KDM4C: variants seen among roughly 807,000 people sequenced by gnomAD.
KDM4C encodes the protein lysine-specific demethylase 4C.
Under a neutral mutation model 129.3 loss-of-function variants are expected in KDM4C, and 81 were observed. The observed-to-expected ratio is 0.63, with a 90% CI of 0.52 to 0.75. The LOEUF (loss-of-function observed/expected upper bound fraction) is 0.75. Among genes scored for constraint, KDM4C ranks in the 30% least tolerant of loss-of-function variants. The pLI, the probability that KDM4C is intolerant of heterozygous loss-of-function variation, is 0.00. For synonymous variants in KDM4C, 573 were observed against 456.1 expected (o/e 1.26, Z -3.26); for missense variants, 1,457 against 1,304.0 (o/e 1.12, Z -1.81).
intron 3 of KDM4C, among the ~76,000 whole-genome samples, chr9:6,809,623 T>G (rs1012227306): frequency 2.0e-5 from 3 of 152,230 alleles, no homozygotes; most frequent in African/African-American, 7.2e-5. Context: ...TAATTTCATT[T>G]TGTAGGCACT....
At chr9:6,933,957 C>G (rs1824231715) in intron 8 of KDM4C, among the ~76,000 whole-genome samples, 1 of 151,934 alleles carries the variant, frequency 6.6e-6, no homozygotes, top group Admixed American at 6.6e-5. Context: ...TCAAGTGATT[C>G]TCCTGCCATA....
chr9:7,164,476 T>G (rs965360337), intron 19 of KDM4C, among the ~76,000 whole-genome samples: 7 of 152,100 alleles, frequency 4.6e-5, no homozygotes, highest in Admixed American at 3.9e-4. Flanking sequence ...GGTGCCACCA[T>G]GATTACCTGC....
intron 15 of KDM4C, among the ~76,000 whole-genome samples, chr9:7,040,393 G>C (rs999795118): frequency 2.8e-5 from 4 of 145,056 alleles, no homozygotes; most frequent in Non-Finnish European, 4.5e-5. Context: ...GTGTGTGTGT[G>C]TGTGTGTGTG....
chr9:7,113,366 C>G (rs964246368), intron 18 of KDM4C, among the ~76,000 whole-genome samples: 1 of 152,196 alleles, frequency 6.6e-6, no homozygotes, highest in Non-Finnish European at 1.5e-5. Flanking sequence ...ACCTATCTTT[C>G]TCTTATTCAC....
At chr9:7,073,647 G>A (rs1196725253) in intron 17 of KDM4C, among the ~76,000 whole-genome samples, 2 of 152,232 alleles carry the variant, frequency 1.3e-5, no homozygotes, top group African/African-American at 4.8e-5. Flanking sequence ...TACTTTAAAT[G>A]TGTGCAGTGT....
chr9:7,014,915 A>AACACACACACACACAC (rs55864882), intron 14 of KDM4C, among the ~76,000 whole-genome samples: 14 of 146,168 alleles, frequency 9.6e-5, no homozygotes, highest in African/African-American at 3.0e-4. Context: ...GGCAATTTGT[A>AACACACACACACACAC]ACACACACAC....
At chr9:7,077,812 G>C (rs1212266241) in intron 17 of KDM4C, among the ~76,000 whole-genome samples, 1 of 152,172 alleles carries the variant, frequency 6.6e-6, no homozygotes, top group Non-Finnish European at 1.5e-5. Flanking sequence ...AGAGAAAGAT[G>C]TCTATCTAAT....
At chr9:6,808,690 T>TTA (rs1830587048) in intron 3 of KDM4C, among the ~76,000 whole-genome samples, 1 of 63,848 alleles carries the variant, frequency 1.6e-5, no homozygotes, top group Non-Finnish European at 3.4e-5. Flanking sequence ...GAATTATCAA[T>TTA]AAAAAAAAAA....
intron 18 of KDM4C, among the ~76,000 whole-genome samples, chr9:7,122,654 C>T (rs760777019): frequency 1.3e-5 from 2 of 152,112 alleles, no homozygotes; most frequent in Admixed American, 6.5e-5. Context: ...GATGTGTTAT[C>T]GTTCCTAGGA....
At chr9:6,944,315 G>C (rs886512420) in intron 8 of KDM4C, among the ~76,000 whole-genome samples, 4 of 152,120 alleles carry the variant, frequency 2.6e-5, no homozygotes, top group African/African-American at 9.7e-5. Context: ...CTGGAAGCTG[G>C]GGTGTTAAAC....
At chr9:6,748,394 C>G (rs1817953032) in intron 1 of KDM4C, among the ~76,000 whole-genome samples, 1 of 151,662 alleles carries the variant, frequency 6.6e-6, no homozygotes, top group Non-Finnish European at 1.5e-5. Flanking sequence ...GTAATCTCAG[C>G]TACTAGGGAG....
At chr9:6,965,797 T>C (rs1261837755) in intron 8 of KDM4C, among the ~76,000 whole-genome samples, 1 of 152,200 alleles carries the variant, frequency 6.6e-6, no homozygotes, top group African/African-American at 2.4e-5. Context: ...TCTGCTTTAC[T>C]CACTCTACTG....
Position 6,928,113 on chromosome 9 carries a change from G to T in KDM4C, c.921+34881G>T, listed in dbSNP as rs543683613. Among the ~76,000 whole-genome samples, 4 of 152,160 alleles carry T rather than the reference G, an allele frequency of 2.6e-5. No individual in the cohort carries two copies. In the South Asian group the frequency reaches 8.3e-4, roughly 32 times the overall value. ...CTATCAAACAGCTTTTATCAAGGTC[G>T]TCTCTAGGCCAAAACCAGGAGTCAG... On this transcript the variant is annotated intron_variant, in intron 8 of 21. Transcript: ENST00000381309.
At chr9:6,737,050 CAAA>C (rs566235532) in intron 1 of KDM4C, among the ~76,000 whole-genome samples, 1 of 36,386 alleles carries the variant, frequency 2.7e-5, no homozygotes, top group Admixed American at 3.2e-4. Context: ...GATTCTGTCT[CAAA>C]AAAAAAAAAA....
chr9:7,128,713 A>G (rs1163950939), intron 19 of KDM4C, among the ~76,000 whole-genome samples: 3 of 152,300 alleles, frequency 2.0e-5, no homozygotes, highest in East Asian at 3.9e-4. Flanking sequence ...CAAAAGTCAC[A>G]CAGAAGAAAG....
chr9:6,902,061 T>C (rs1336049460), intron 8 of KDM4C, among the ~76,000 whole-genome samples: 3 of 152,212 alleles, frequency 2.0e-5, no homozygotes, highest in Non-Finnish European at 4.4e-5. Context: ...GGAGTTAAAT[T>C]AGGCCTTTGT....
chr9:6,817,017 T>C (rs557358746), intron 4 of KDM4C, among the ~76,000 whole-genome samples: 6 of 152,288 alleles, frequency 3.9e-5, no homozygotes, highest in Admixed American at 3.3e-4. Flanking sequence ...ATATATGATA[T>C]TGTAGAATTG....
intron 17 of KDM4C, among the ~76,000 whole-genome samples, chr9:7,101,452 C>G (rs1211500620): frequency 6.6e-6 from 1 of 152,200 alleles, no homozygotes; most frequent in Non-Finnish European, 1.5e-5. Flanking sequence ...ATGGGGTTCT[C>G]TGTCTCTGCA....
chr9:6,971,998 C>G (rs575685602), intron 8 of KDM4C, among the ~76,000 whole-genome samples: 1 of 152,150 alleles, frequency 6.6e-6, no homozygotes, highest in Non-Finnish European at 1.5e-5. Flanking sequence ...AGACCTGATG[C>G]CTGTCTTCAC....
Sources: gnomAD v4.1 joint callset for allele counts (sites outside exome capture counted in the v4.1 genomes callset) on GRCh38, gnomAD v4.1.1 for gene constraint, MANE v1.5 for transcripts, NCBI Gene and HGNC (gene_info 2026-07-23, HGNC 2026-07-21) for gene names.